Variants in KLRG1 observed in about 807,000 individuals in gnomAD.
KLRG1 encodes the protein killer cell lectin like receptor G1, also known as killer cell lectin-like receptor subfamily G member 1.
Under a neutral mutation model 21.8 loss-of-function variants are expected in KLRG1, and 16 were observed. The observed-to-expected ratio is 0.73, with a 90% CI of 0.50 to 1.11. The LOEUF is 1.11. KLRG1 is among the 50% of genes most tolerant of loss of function. The probability of loss-of-function intolerance (pLI) is 0.00; values close to 1 mark genes in which losing one functional copy is unlikely to be tolerated. For synonymous variants in KLRG1, 69 were observed against 75.9 expected (o/e 0.91, Z 0.47); for missense variants, 173 against 218.3 (o/e 0.79, Z 1.31).
chr12:9,205,092 CA>C, the KLRG1 span, among the ~76,000 whole-genome samples: 2 of 148,398 alleles, frequency 1.3e-5, no homozygotes, highest in South Asian at 2.2e-4. Flanking sequence ...GACCCTGTTT[CA>C]AAAAAAAACA....
chr12:9,078,317 T>A, the KLRG1 span, among the ~76,000 whole-genome samples: 1 of 152,222 alleles, frequency 6.6e-6, no homozygotes, highest in East Asian at 1.9e-4. Flanking sequence ...TGTGTTAGTT[T>A]GCTGAGGCTG....
the KLRG1 span, among the ~76,000 whole-genome samples, chr12:9,110,560 G>C: frequency 6.6e-6 from 1 of 151,654 alleles, no homozygotes; most frequent in Non-Finnish European, 1.5e-5. Context: ...GGCATGCAAT[G>C]CATGATAATA....
At chr12:9,148,963 G>A in the KLRG1 span, 3 of 1,607,272 alleles carry the variant, frequency 1.9e-6, no homozygotes, top group Non-Finnish European at 1.7e-6. Flanking sequence ...TATACAGCCT[G>A]TATGGTCCTC....
chr12:9,110,176 G>T, the KLRG1 span: 1 of 1,112,212 alleles, frequency 9.0e-7, no homozygotes, highest in Non-Finnish European at 1.3e-6. Context: ...ATGAGTTATA[G>T]CCATCTAGCT....
chr12:9,148,575 G>C, the KLRG1 span, among the ~76,000 whole-genome samples: 3 of 151,768 alleles, frequency 2.0e-5, no homozygotes, highest in Non-Finnish European at 4.4e-5. Context: ...CATCTCTTCT[G>C]ATGTCTCTTC....
At chr12:9,023,721 A>AC in the KLRG1 span, among the ~76,000 whole-genome samples, 1 of 151,918 alleles carries the variant, frequency 6.6e-6, no homozygotes, top group Non-Finnish European at 1.5e-5. Flanking sequence ...ATGCCTGGCC[A>AC]ATTAAAAAAA....
In KLRG1 at chr12:8,983,589, C is replaced by T. The variant is rs138007551; in HGVS notation, c.-155-8617C>T. ...CTAATTTTTGTATTTTTAGTAGAGA[C>T]GGGGTTTCACCATGTTGGCCAGGCT... is the stretch of plus-strand genomic sequence containing the variant. On this transcript the variant is annotated intron_variant, in intron 1 of 4. Transcript: ENST00000539240. Among the ~76,000 whole-genome samples the T allele has an allele frequency of 3.9e-3, 592 of 151,480 alleles. 4 individuals are homozygous for T. Among genetic ancestry groups the T allele is most frequent in the African/African-American group, 0.012 (492 of 41,282 alleles).
chr12:8,965,678 A>C (rs939205539), intron 1 of KLRG1, among the ~76,000 whole-genome samples: 24 of 152,228 alleles, frequency 1.6e-4, no homozygotes, highest in African/African-American at 5.8e-4. Flanking sequence ...CTGCTCAATG[A>C]AATAAAAGAG....
At chr12:9,082,827 C>G in the KLRG1 span, among the ~76,000 whole-genome samples, 2 of 152,180 alleles carry the variant, frequency 1.3e-5, no homozygotes, top group Non-Finnish European at 2.9e-5. Flanking sequence ...AATACACCAA[C>G]AAACTGAGAA....
At chr12:9,174,083 A>G in the KLRG1 span, among the ~76,000 whole-genome samples, 90,397 of 152,042 alleles carry the variant, frequency 0.59, 27,825 homozygotes, top group East Asian at 0.83. Context: ...CCTCAACAAA[A>G]TACTTGCAAA....
the KLRG1 span, among the ~76,000 whole-genome samples, chr12:9,045,822 A>AAATGT: frequency 0.016 from 2,413 of 152,326 alleles, 62 homozygotes; most frequent in African/African-American, 0.055. Flanking sequence ...CAGATAAAGA[A>AAATGT]AATGTGGTAC....
At chr12:8,961,430 G>A (rs1946379344) in intron 1 of KLRG1, among the ~76,000 whole-genome samples, 1 of 151,940 alleles carries the variant, frequency 6.6e-6, no homozygotes, top group Admixed American at 6.6e-5. Context: ...TTTATTTTTA[G>A]AGACACAGTT....
the KLRG1 span, among the ~76,000 whole-genome samples, chr12:9,105,629 GAGA>G: frequency 6.6e-6 from 1 of 152,126 alleles, no homozygotes; most frequent in Non-Finnish European, 1.5e-5. Flanking sequence ...AAAATTGTAA[GAGA>G]AGATTTTTTT....
At chr12:9,109,803 T>G in the KLRG1 span, 25 of 1,467,452 alleles carry the variant, frequency 1.7e-5, no homozygotes, top group Admixed American at 2.2e-5. Flanking sequence ...TGAACTTAAA[T>G]TCCAGGACCT....
the KLRG1 span, chr12:9,152,709 T>A: frequency 4.6e-6 from 5 of 1,086,872 alleles, no homozygotes; most frequent in South Asian, 3.7e-5. Context: ...TTTATAGATA[T>A]ATCAATTCTA....
At chr12:9,155,708 A>G in the KLRG1 span, among the ~76,000 whole-genome samples, 3 of 152,138 alleles carry the variant, frequency 2.0e-5, no homozygotes, top group Admixed American at 6.5e-5. Flanking sequence ...GACAACCTCT[A>G]TGACATTTTT....
the KLRG1 span, among the ~76,000 whole-genome samples, chr12:9,164,906 A>G: frequency 6.6e-6 from 1 of 152,198 alleles, no homozygotes; most frequent in Non-Finnish European, 1.5e-5. Flanking sequence ...TGCAAGCGCT[A>G]AGAAATAGAA....
At chr12:9,196,805 C>T in the KLRG1 span, 4 of 855,538 alleles carry the variant, frequency 4.7e-6, no homozygotes, top group Non-Finnish European at 5.7e-6. Context: ...GTTAATTGAC[C>T]TTCGAGAACT....
At chr12:9,096,218 C>T in the KLRG1 span, among the ~76,000 whole-genome samples, 1 of 152,116 alleles carries the variant, frequency 6.6e-6, no homozygotes, top group Non-Finnish European at 1.5e-5. Flanking sequence ...TAGGAAAAAC[C>T]AAACACTCCA....
Sources: allele counts gnomAD v4.1 joint callset (sites outside exome capture counted in the v4.1 genomes callset), GRCh38; gene constraint gnomAD v4.1.1; transcripts MANE v1.5; gene names NCBI Gene and HGNC (gene_info 2026-07-23, HGNC 2026-07-21).